The following RABL6 variants were observed in gnomAD, a reference collection of about 807,000 sequenced individuals.
The protein encoded by RABL6 is RAB, member RAS oncogene family like 6.
Under a neutral mutation model 72.9 loss-of-function variants are expected in RABL6, and 28 were observed. The observed-to-expected ratio is 0.38, with a 90% CI of 0.28 to 0.53. RABL6 has a LOEUF of 0.53. Ranked by LOEUF, RABL6 falls within the 20% of genes least tolerant of loss-of-function variation. The probability of loss-of-function intolerance (pLI) is 0.80; values close to 1 mark genes in which losing one functional copy is unlikely to be tolerated. For missense variants in RABL6, 1,029 were observed against 1,008.4 expected (o/e 1.02, Z -0.28); for synonymous variants, 477 against 421.2 (o/e 1.13, Z -1.62).
intron 5 of RABL6, 38 bp from the exon 6 acceptor site, chr9:136,831,683 G>T: frequency 6.2e-7 from 1 of 1,610,052 alleles, no homozygotes; most frequent in Non-Finnish European, 8.5e-7. Context: ...GGGCGTCGCA[G>T]GGCTGAAACT....
At chr9:136,814,717 G>T (rs942693443) in intron 1 of RABL6, 3 of 151,812 alleles carry the variant, frequency 2.0e-5, no homozygotes, top group African/African-American at 7.3e-5. Flanking sequence ...CGCCACTGCA[G>T]TCCAACCTGG....
Position 136,834,159 on chromosome 9 carries a change from G to A in RABL6, c.706-1583G>A. ...TGTCTTGCCCCTGGATTGCCTGGAA[G>A]CAAATTTCAGGCCTTCTTTATGTCA... On this transcript the variant is annotated intron_variant, in intron 7 of 14. Coordinates refer to ENST00000311502, the MANE Select transcript of RABL6 (RefSeq NM_024718.5). The A allele has an allele frequency of 2.4e-6, 3 of 1,275,048 alleles. No individual in the cohort carries two copies. In the South Asian group the frequency reaches 9.9e-5, roughly 42 times the overall value. The allele number at this position is 1,275,048 out of a possible 1,614,324, so 79.0% of individuals were successfully genotyped here.
At chr9:136,808,526 C>T (rs1847921993) in intron 1 of RABL6, 200 bp downstream of exon 1, 1 of 397,334 alleles carries the variant, frequency 2.5e-6, no homozygotes, top group Non-Finnish European at 3.9e-6. Flanking sequence ...CCTCGCGGCC[C>T]CCGAGCCGCG....
intron 1 of RABL6, chr9:136,821,600 C>T (rs1303733728): frequency 3.0e-6 from 3 of 987,176 alleles, no homozygotes; most frequent in Non-Finnish European, 3.6e-6. Flanking sequence ...GAGCTGTGGG[C>T]CGCGCCCGGG....
chr9:136,808,481 A>T, intron 1 of RABL6, 155 bp downstream of exon 1: 2 of 801,958 alleles, frequency 2.5e-6, no homozygotes, highest in Non-Finnish European at 3.3e-6. Context: ...GGCGCGGGCC[A>T]GGGGACGCGA....
chr9:136,823,538 C>T lies in RABL6; in HGVS notation c.144C>T (p.Ile48=), dbSNP rs774661349. The change falls in exon 2 of 15, where the codon ATC becomes ATT. Residue 48 remains isoleucine (I), a synonymous_variant. Coordinates refer to ENST00000311502, the MANE Select transcript of RABL6 (RefSeq NM_024718.5). ...TCCCGTCCCCAGTGAAGATAGTGATCCGGGGAGACAGGAACACGGGCAAGA... is the reference window on the plus strand; with the variant it reads ...TCCCGTCCCCAGTGAAGATAGTGATTCGGGGAGACAGGAACACGGGCAAGA... ...KGVQYNMKIV[I]RGDRNTGKTA... 1 of 1,613,738 alleles carries T rather than the reference C, an allele frequency of 6.2e-7. No individual in the cohort carries two copies. The highest frequency in any genetic ancestry group is 1.1e-5 in the South Asian group (1 of 91,080).
intron 6 of RABL6, 117 bp downstream of exon 6, chr9:136,831,978 G>T: frequency 2.9e-6 from 4 of 1,389,874 alleles, no homozygotes; most frequent in Non-Finnish European, 3.8e-6. Flanking sequence ...CGGCGGATGT[G>T]GGTCTCGCCG....
At chr9:136,818,016 C>T (rs1400485393) in intron 1 of RABL6, among the ~76,000 whole-genome samples, 4 of 142,802 alleles carry the variant, frequency 2.8e-5, no homozygotes, top group Admixed American at 1.5e-4. Flanking sequence ...GAGCTGAGAT[C>T]GCGCCGCTGC....
At position 136,840,250 on chromosome 9, in the gene RABL6, G is replaced by A. The variant is rs753041620; in HGVS notation, c.1989+38G>A. Reference sequence around the variant, plus strand: ...CCCCTTCCTGGCAGGCCAGGACTGGGTGGCATGCGGTCCTGGGACCAGGGC... The same window carrying A: ...CCCCTTCCTGGCAGGCCAGGACTGGATGGCATGCGGTCCTGGGACCAGGGC... On this transcript the variant is annotated intron_variant, in intron 14 of 14. Transcript: ENST00000311502. The A allele has an allele frequency of 2.3e-5, 37 of 1,612,502 alleles. 1 individual carries two copies. In the South Asian group the frequency reaches 3.8e-4, roughly 17 times the overall value.
chr9:136,811,767 C>T (rs1321479056), intron 1 of RABL6, among the ~76,000 whole-genome samples: 1 of 152,162 alleles, frequency 6.6e-6, no homozygotes, highest in Non-Finnish European at 1.5e-5. Context: ...GCTGGGATTA[C>T]AGGCGTGAGC....
chr9:136,837,338 C>T lies in RABL6; in HGVS notation c.810-8C>T. ...AGCCAGGCTTCTCACCCGCCTTCTGCCTTTCAGCTTCCTGGAGATGATGGA... is the reference window on the plus strand; with the variant it reads ...AGCCAGGCTTCTCACCCGCCTTCTGTCTTTCAGCTTCCTGGAGATGATGGA... On this transcript the variant is annotated splice_region_variant and splice_polypyrimidine_tract_variant and intron_variant, in intron 8 of 14. Transcript: ENST00000311502. 4 of 1,601,702 alleles carry T rather than the reference C, an allele frequency of 2.5e-6. No individual in the cohort carries two copies. The highest frequency in any genetic ancestry group is 2.6e-6 in the Non-Finnish European group (3 of 1,175,014).
At chr9:136,832,009 C>A in intron 6 of RABL6, 148 bp downstream of exon 6, 1 of 1,222,558 alleles carries the variant, frequency 8.2e-7, no homozygotes. Flanking sequence ...CTCACTGAAG[C>A]CTGGGTCTCC....
chr9:136,813,971 C>G (rs534985245), intron 1 of RABL6: 7 of 385,472 alleles, frequency 1.8e-5, no homozygotes, highest in South Asian at 4.2e-5. Flanking sequence ...AGATTTGTAG[C>G]CAAAAGTATT....
Position 136,837,427 on chromosome 9 carries a change from C to T in RABL6, c.891C>T (p.Ser297=), listed in dbSNP as rs1449315375. The change falls in exon 9 of 15, where the codon TCC becomes TCT. Residue 297 remains serine (S), a synonymous_variant. Coordinates refer to ENST00000311502, the MANE Select transcript of RABL6 (RefSeq NM_024718.5). ...AANGQSPSPG[S]QSPVVPAGAV... ...ACGGGCAGAGCCCATCCCCGGGCTC[C>T]CAGTCACCAGTGGTGCCTGCAGGCG... The T allele has an allele frequency of 6.3e-7, 1 of 1,581,352 alleles. No homozygotes were observed. The highest frequency in any genetic ancestry group is 1.8e-5 in the Admixed American group (1 of 55,344).
At chr9:136,825,441 C>CG (rs1396204386) in intron 2 of RABL6, among the ~76,000 whole-genome samples, 1 of 127,368 alleles carries the variant, frequency 7.9e-6, no homozygotes. Context: ...TGCCCAGGAT[C>CG]GGGGCCGGGG....
chr9:136,824,366 T>C (rs1270358317), intron 2 of RABL6, among the ~76,000 whole-genome samples: 15 of 136,108 alleles, frequency 1.1e-4, no homozygotes, highest in Non-Finnish European at 2.0e-4. Context: ...AGAGTCTCAC[T>C]GTCGCCCAGA....
chr9:136,828,132 T>C, intron 3 of RABL6: 1 of 222,306 alleles, frequency 4.5e-6, no homozygotes, highest in South Asian at 7.9e-5. Context: ...CCCTTGTACT[T>C]CCTCCCACCC....
Position 136,810,919 on chromosome 9 carries a change from G to C in RABL6, c.130+2593G>C, listed in dbSNP as rs553484779. Reference sequence around the variant, plus strand: ...GATCAAGACAGAGTCGAGGGTTTTGGGGGTGAGAGTTTCTGGGAACTGCTG... The same window carrying C: ...GATCAAGACAGAGTCGAGGGTTTTGCGGGTGAGAGTTTCTGGGAACTGCTG... On this transcript the variant is annotated intron_variant, in intron 1 of 14. Transcript: ENST00000311502. Among the ~76,000 whole-genome samples the C allele has an allele frequency of 3.9e-5, 6 of 152,316 alleles. No homozygotes were observed. The South Asian group carries it at 6.2e-4, about 16-fold the overall frequency.
At chr9:136,809,229 T>TA (rs1847948330) in intron 1 of RABL6, 1 of 157,564 alleles carries the variant, frequency 6.3e-6, no homozygotes, top group Non-Finnish European at 1.4e-5. Context: ...TTTTAAGAAC[T>TA]AATGATCAGA....
Sources: allele counts gnomAD v4.1 joint callset (sites outside exome capture counted in the v4.1 genomes callset), GRCh38; gene constraint gnomAD v4.1.1; transcripts MANE v1.5; gene names NCBI Gene and HGNC (gene_info 2026-07-23, HGNC 2026-07-21).